FAM120A: variants seen among roughly 807,000 people sequenced by gnomAD.
FAM120A encodes the protein constitutive coactivator of PPAR-gamma-like protein 1.
In FAM120A, 15 loss-of-function variants were observed where a neutral mutation model predicts 109.7. That is an observed-to-expected ratio of 0.14 (90% CI 0.09 to 0.21). The LOEUF (loss-of-function observed/expected upper bound fraction) is 0.21. FAM120A is among the 10% of genes least tolerant of loss of function. The probability of loss-of-function intolerance (pLI) is 1.00; values close to 1 mark genes in which losing one functional copy is unlikely to be tolerated. For synonymous variants in FAM120A, 493 were observed against 572.8 expected (o/e 0.86, Z 1.99); for missense variants, 899 against 1,439.3 (o/e 0.62, Z 6.07).
chr9:93,513,621 A>T (rs1860437331), intron 5 of FAM120A, among the ~76,000 whole-genome samples: 4 of 152,160 alleles, frequency 2.6e-5, no homozygotes, highest in Admixed American at 2.6e-4. Flanking sequence ...GCGAGCCAGG[A>T]TCGAAGGGCT....
chr9:93,498,220 CT>C lies in FAM120A; in HGVS notation c.934-569del, dbSNP rs1859654027. 6.6e-6 allele frequency among the ~76,000 whole-genome samples: 1 copy of C among 152,178 alleles called. No homozygotes were observed. The highest frequency in any genetic ancestry group is 1.5e-5 in the Non-Finnish European group (1 of 68,030). ...CTAGCCTGGCCAACATGGTGAAACC[CT>C]GTCTCTATTAAAAATACAAAAATTA... On this transcript the variant is annotated intron_variant, in intron 4 of 17. Coordinates refer to ENST00000277165, the MANE Select transcript of FAM120A (RefSeq NM_014612.5). This position sits in a 1 kb window ranked among gnomAD's most constrained non-coding sequence, Gnocchi z 4.4.
chr9:93,557,405 C>T (rs555431150), intron 13 of FAM120A, among the ~76,000 whole-genome samples: 1 of 152,304 alleles, frequency 6.6e-6, no homozygotes, highest in South Asian at 2.1e-4. Flanking sequence ...GCTGGGATTA[C>T]AGGCGTGAGC....
At chr9:93,535,433 G>C (rs1355298114) in intron 10 of FAM120A, among the ~76,000 whole-genome samples, 1 of 152,206 alleles carries the variant, frequency 6.6e-6, no homozygotes, top group Admixed American at 6.5e-5. Flanking sequence ...AGGTGCAGAT[G>C]ACCTTTGCCT....
intron 16 of FAM120A, among the ~76,000 whole-genome samples, chr9:93,561,704 A>G (rs768913933): frequency 2.0e-5 from 3 of 152,208 alleles, no homozygotes; most frequent in Admixed American, 6.5e-5. Flanking sequence ...CTTTAACATC[A>G]TTTATAATGT....
At chr9:93,543,025 C>G (rs1439172854) in intron 10 of FAM120A, among the ~76,000 whole-genome samples, 197 bp from the exon 11 acceptor site, 1 of 152,028 alleles carries the variant, frequency 6.6e-6, no homozygotes, top group Non-Finnish European at 1.5e-5. Context: ...TCTGAATGAG[C>G]CATTAATTGC....
At chr9:93,497,377 G>A in intron 3 of FAM120A, 94 bp from the exon 4 acceptor site, 1 of 1,493,960 alleles carries the variant, frequency 6.7e-7, no homozygotes. Context: ...ATCTTAGATG[G>A]TAGCTCCTTG....
intron 2 of FAM120A, among the ~76,000 whole-genome samples, chr9:93,473,562 T>C (rs1858407523): frequency 6.6e-6 from 1 of 152,146 alleles, no homozygotes. Context: ...TCCACCTGCC[T>C]GAGCCTCCCA....
rs67894788 is a variant in FAM120A, at chr9:93,527,614, A to ATTTT, written c.1506+395_1506+398dup. On this transcript the variant is annotated intron_variant, in intron 8 of 17. Transcript: ENST00000277165. The stretch of plus-strand genomic sequence containing the variant: ...CTTTTTAAAAAAATTTTTGTATTTA[A>ATTTT]TTTTTTTTTTTTTTTTTTTTTTTTT... Among the ~76,000 whole-genome samples, 48 of 80,696 alleles carry ATTTT rather than the reference A, an allele frequency of 5.9e-4. 4 individuals are homozygous for ATTTT. Among genetic ancestry groups the ATTTT allele is most frequent in the South Asian group, 2.3e-3 (4 of 1,714 alleles). 52.9% of individuals were successfully genotyped at this position (80,696 alleles called of 152,430 possible).
At chr9:93,543,862 C>T (rs1861793173) in intron 11 of FAM120A, among the ~76,000 whole-genome samples, 1 of 152,230 alleles carries the variant, frequency 6.6e-6, no homozygotes, top group African/African-American at 2.4e-5. Context: ...TAATCATTTA[C>T]AGTCACACAT....
rs532638739 is a variant in FAM120A at position 93,562,773 on chromosome 9, G to A, written c.3045+469G>A. Reference sequence around the variant, plus strand: ...TCCACTTCCCGGGTTCAAGCGATTCGCTTGCGTCAGCCTCCCGAATAGCTG... The same window carrying A: ...TCCACTTCCCGGGTTCAAGCGATTCACTTGCGTCAGCCTCCCGAATAGCTG... On this transcript the variant is annotated intron_variant, in intron 17 of 17. Transcript: ENST00000277165. 8.7e-5 allele frequency among the ~76,000 whole-genome samples: 13 copies of A among 148,738 alleles called. No individual in the cohort carries two copies. The South Asian group carries it at 2.7e-3, about 31-fold the overall frequency.
chr9:93,514,846 G>T (rs556179714), intron 5 of FAM120A, among the ~76,000 whole-genome samples: 1 of 152,206 alleles, frequency 6.6e-6, no homozygotes, highest in African/African-American at 2.4e-5. Context: ...TAGTTAGGCC[G>T]CGCGAGGCCA....
intron 10 of FAM120A, among the ~76,000 whole-genome samples, chr9:93,538,564 A>G (rs1045227243): frequency 3.3e-5 from 5 of 152,184 alleles, no homozygotes; most frequent in Non-Finnish European, 7.3e-5. Flanking sequence ...GAGGCCATTC[A>G]TCTGCCCGCA....
At chr9:93,489,433 C>T (rs1859214377) in intron 3 of FAM120A, among the ~76,000 whole-genome samples, 1 of 152,198 alleles carries the variant, frequency 6.6e-6, no homozygotes, top group African/African-American at 2.4e-5. Context: ...GGACTGGTGG[C>T]ACTTTTTTGT....
intron 5 of FAM120A, among the ~76,000 whole-genome samples, chr9:93,513,654 T>G (rs1172330705): frequency 1.3e-5 from 2 of 152,190 alleles, no homozygotes; most frequent in Admixed American, 6.5e-5. Flanking sequence ...GCTTGCGAGC[T>G]GAAGGCCCTT....
intron 12 of FAM120A, among the ~76,000 whole-genome samples, chr9:93,554,326 G>A (rs897245684): frequency 3.3e-5 from 5 of 152,122 alleles, no homozygotes; most frequent in African/African-American, 1.2e-4. Context: ...GGTTACATTA[G>A]TCTTAAAGGT....
Position 93,500,893 on chromosome 9 carries a change from A to G in FAM120A, c.1030+2007A>G, listed in dbSNP as rs1302235741. Among the ~76,000 whole-genome samples, 1 of 152,194 alleles carries G rather than the reference A, an allele frequency of 6.6e-6. No individual in the cohort carries two copies. Among genetic ancestry groups the G allele is most frequent in the East Asian group, 1.9e-4 (1 of 5,206 alleles). On this transcript the variant is annotated intron_variant, in intron 5 of 17. Transcript: ENST00000277165. This position sits in a 1 kb window ranked among gnomAD's most constrained non-coding sequence, Gnocchi z 4.6. ...GACCTCGAGCTCCCTATTTTATAGA[A>G]TGGGGTCATTATGTGAATATTAAAA...
intron 7 of FAM120A, among the ~76,000 whole-genome samples, chr9:93,525,114 G>C (rs1316338409): frequency 2.0e-5 from 3 of 150,984 alleles, no homozygotes; most frequent in Non-Finnish European, 4.4e-5. Context: ...ACTGTTTCTT[G>C]TCAAGATGCT....
chr9:93,466,442 G>A (rs1858022655), intron 1 of FAM120A, among the ~76,000 whole-genome samples: 1 of 152,046 alleles, frequency 6.6e-6, no homozygotes. Context: ...CCATCCTTTT[G>A]TTTTGGGAGT....
At position 93,544,785 on chromosome 9, in the gene FAM120A, G is replaced by A. The variant is rs141034880; in HGVS notation, c.2159+1314G>A. 3.3e-5 allele frequency among the ~76,000 whole-genome samples: 5 copies of A among 152,288 alleles called. No individual in the cohort carries two copies. The East Asian group carries it at 9.7e-4, about 30-fold the overall frequency. ...TTCCAGGTCGTCTCTGCTTTCAGGA[G>A]TGATGCCCTGCCTGGGGGTGCACAC... On this transcript the variant is annotated intron_variant, in intron 11 of 17. Coordinates refer to ENST00000277165, the MANE Select transcript of FAM120A (RefSeq NM_014612.5).
Sources: gnomAD v4.1 joint callset for allele counts (sites outside exome capture counted in the v4.1 genomes callset) on GRCh38, gnomAD v4.1.1 for gene constraint, Gnocchi (gnomAD v3.1) non-coding constraint, MANE v1.5 for transcripts, NCBI Gene and HGNC (gene_info 2026-07-23, HGNC 2026-07-21) for gene names.